SLC9C1: variants seen among roughly 807,000 people sequenced by gnomAD.
SLC9C1 encodes sodium/hydrogen exchanger 10.
In SLC9C1, 97 loss-of-function variants were observed where a neutral mutation model predicts 140.9. The ratio of observed to expected loss-of-function variants is 0.69; its 90% CI spans 0.58 to 0.82. The LOEUF is 0.82. Ranked by LOEUF, SLC9C1 falls within the 40% of genes least tolerant of loss-of-function variation. The pLI, the probability that SLC9C1 is intolerant of heterozygous loss-of-function variation, is 0.00. For missense variants in SLC9C1, 1,340 were observed against 1,389.3 expected (o/e 0.96, Z 0.56); for synonymous variants, 440 against 442.6 (o/e 0.99, Z 0.07).
At position 112,178,281 on chromosome 3, in the gene SLC9C1, G is replaced by A. The variant is rs544082696; in HGVS notation, c.2919+1250C>T. The stretch of plus-strand genomic sequence containing the variant: ...AGCCTCCCAAGTAGCTGGATCTACA[G>A]GCATGTGTCACCATGCCTGGCTAAT... On this transcript the variant is annotated intron_variant, in intron 23 of 28. Transcript: ENST00000305815. 3.3e-5 allele frequency among the ~76,000 whole-genome samples: 5 copies of A among 152,046 alleles called. No individual in the cohort carries two copies. The South Asian group carries it at 8.3e-4, about 25-fold the overall frequency.
chr3:112,289,713 G>A (rs2080622152), intron 1 of SLC9C1, among the ~76,000 whole-genome samples: 1 of 152,140 alleles, frequency 6.6e-6, no homozygotes, highest in African/African-American at 2.4e-5. Flanking sequence ...GGATTTGGGG[G>A]TTGTTTTGGG....
intron 13 of SLC9C1, among the ~76,000 whole-genome samples, 187 bp downstream of exon 13, chr3:112,231,174 T>C (rs2895393): frequency 0.012 from 1,804 of 150,362 alleles, 16 homozygotes; most frequent in Non-Finnish European, 0.02. Context: ...CTTTCTTTCT[T>C]TTTCTTTCTT....
At chr3:112,222,990 A>G (rs2078583414) in intron 13 of SLC9C1, among the ~76,000 whole-genome samples, 1 of 152,160 alleles carries the variant, frequency 6.6e-6, no homozygotes, top group Admixed American at 6.6e-5. Flanking sequence ...GACAAGAGAC[A>G]CTAGCCAAAC....
At chr3:112,251,143 G>C (rs2079445198) in intron 10 of SLC9C1, among the ~76,000 whole-genome samples, 1 of 152,040 alleles carries the variant, frequency 6.6e-6, no homozygotes, top group African/African-American at 2.4e-5. Flanking sequence ...GAAATAGAAG[G>C]GGTGAGTAAA....
rs1236757135 is a variant in SLC9C1 at position 112,168,897 on chromosome 3, T to G, written c.3217A>C (p.Ile1073Leu). 1 of 1,595,208 alleles carries G rather than the reference T, an allele frequency of 6.3e-7. No homozygotes were observed. Among genetic ancestry groups the G allele is most frequent in the Non-Finnish European group, 8.5e-7 (1 of 1,173,772 alleles). ...TTTACCTGATGGCATGTTATAGGAA[T>G]TAAGAAAGGTGCTCTATAAGTTTTT... is the stretch of plus-strand genomic sequence containing the variant. The part of the protein sequence containing the change: ...LRKTYRAPFL[I>L]PITCHQIQSI... Residue 1073 changes from isoleucine to leucine, a missense_variant, in exon 25 of 29, where the codon ATT becomes CTT. Coordinates refer to ENST00000305815, the MANE Select transcript of SLC9C1 (RefSeq NM_183061.3).
intron 28 of SLC9C1, among the ~76,000 whole-genome samples, chr3:112,150,805 TATATAAATACATATAC>T (rs1181558986): frequency 4.1e-5 from 2 of 48,802 alleles, no homozygotes; most frequent in Non-Finnish European, 7.8e-5. Flanking sequence ...TATATATATA[TATATAAATACATATAC>T]ATATATATAT....
intron 26 of SLC9C1, among the ~76,000 whole-genome samples, chr3:112,161,626 CTA>C (rs2075302372): frequency 6.6e-6 from 1 of 151,926 alleles, no homozygotes; most frequent in Admixed American, 6.6e-5. Flanking sequence ...TTCCATTGAT[CTA>C]TATCTCTGTT....
intron 28 of SLC9C1, among the ~76,000 whole-genome samples, chr3:112,149,180 T>C (rs759956704): frequency 4.6e-5 from 7 of 152,012 alleles, no homozygotes; most frequent in Non-Finnish European, 8.8e-5. Flanking sequence ...AGCAGTTGGG[T>C]CAGGCTGCTG....
chr3:112,230,927 C>T (rs73853368), intron 13 of SLC9C1, among the ~76,000 whole-genome samples: 2,474 of 152,262 alleles, frequency 0.016, 65 homozygotes, highest in African/African-American at 0.055. Context: ...TTGGCTGTAT[C>T]ATTACATGAA....
At chr3:112,169,098 T>C (rs1363717017) in intron 24 of SLC9C1, 36 bp from the exon 25 acceptor site, 1 of 1,572,702 alleles carries the variant, frequency 6.4e-7, no homozygotes, top group Non-Finnish European at 8.6e-7. Flanking sequence ...CTATTATTAG[T>C]CTATGAAGTT....
In SLC9C1 at chr3:112,194,716, C is replaced by A. The variant is rs1272760450; in HGVS notation, c.2523+4605G>T. On this transcript the variant is annotated intron_variant, in intron 20 of 28. Coordinates refer to ENST00000305815, the MANE Select transcript of SLC9C1 (RefSeq NM_183061.3). ...TTTTGAGAAAGTGCCATACTGTTTC[C>A]CACAGAGGTTATATCATTTTACTTT... Among the ~76,000 whole-genome samples the A allele has an allele frequency of 2.0e-5, 3 of 152,006 alleles. No individual in the cohort carries two copies. The East Asian group carries it at 5.8e-4, about 29-fold the overall frequency.
In SLC9C1 at chr3:112,271,464, AC is replaced by A. The variant is rs201691284; in HGVS notation, c.614-1388del. On this transcript the variant is annotated intron_variant, in intron 6 of 28. Coordinates refer to ENST00000305815, the MANE Select transcript of SLC9C1 (RefSeq NM_183061.3). The stretch of plus-strand genomic sequence containing the variant: ...TATACATTATGATTTGTCCATTAAA[AC>A]TAATATTAATAAAAATAGCTCATTG... 4.0e-3 allele frequency among the ~76,000 whole-genome samples: 594 copies of A among 150,296 alleles called. 6 individuals carry two copies. Among genetic ancestry groups the A allele is most frequent in the African/African-American group, 0.013 (546 of 41,066 alleles).
At position 112,164,963 on chromosome 3, in the gene SLC9C1, A is replaced by G. The variant is rs62277474; in HGVS notation, c.3364+2258T>C. The stretch of plus-strand genomic sequence containing the variant: ...TAGTCCCATATTTCTTGGAGGCTTT[A>G]TTCATTTCTTTTTATTCTTTTTTCT... On this transcript the variant is annotated intron_variant, in intron 26 of 28. Transcript: ENST00000305815. Among the ~76,000 whole-genome samples, 928 of 142,250 alleles carry G rather than the reference A, an allele frequency of 6.5e-3. 8 individuals carry two copies. Among genetic ancestry groups the G allele is most frequent in the African/African-American group, 0.023 (872 of 38,108 alleles). The allele number at this position is 142,250 out of a possible 152,430, so 93.3% of individuals were successfully genotyped here.
intron 16 of SLC9C1, 54 bp from the exon 17 acceptor site, chr3:112,204,457 C>T (rs2077990261): frequency 3.4e-6 from 5 of 1,491,676 alleles, no homozygotes; most frequent in South Asian, 1.4e-5. Flanking sequence ...TTTTACTACA[C>T]CATTTTCCAC....
chr3:112,197,983 A>G (rs2077809927), intron 20 of SLC9C1, among the ~76,000 whole-genome samples: 1 of 152,036 alleles, frequency 6.6e-6, no homozygotes, highest in Non-Finnish European at 1.5e-5. Context: ...AACCCTGCCT[A>G]TTTATTTACA....
intron 13 of SLC9C1, among the ~76,000 whole-genome samples, chr3:112,229,361 G>A (rs1354904600): frequency 6.6e-6 from 1 of 151,938 alleles, no homozygotes; most frequent in Non-Finnish European, 1.5e-5. Context: ...AACAATAAAG[G>A]TTTGAAGTGA....
chr3:112,282,814 T>G (rs980117593), intron 2 of SLC9C1, among the ~76,000 whole-genome samples: 1 of 152,264 alleles, frequency 6.6e-6, no homozygotes, highest in Non-Finnish European at 1.5e-5. Flanking sequence ...TATCTTTTAA[T>G]TCCATTTTTC....
intron 12 of SLC9C1, among the ~76,000 whole-genome samples, chr3:112,236,348 G>A (rs778107448): frequency 2.7e-4 from 41 of 151,866 alleles, no homozygotes; most frequent in Non-Finnish European, 4.9e-4. Context: ...CATCTATTTG[G>A]TTCTTCTCTC....
intron 12 of SLC9C1, among the ~76,000 whole-genome samples, chr3:112,233,073 T>TATATATATA (rs60790024): frequency 6.0e-4 from 82 of 136,340 alleles, no homozygotes; most frequent in East Asian, 2.5e-3. Flanking sequence ...ATATATTATA[T>TATATATATA]TTTTTTTTTT....
Sources: allele counts gnomAD v4.1 joint callset (sites outside exome capture counted in the v4.1 genomes callset), GRCh38; gene constraint gnomAD v4.1.1; transcripts MANE v1.5; gene names NCBI Gene and HGNC (gene_info 2026-07-23, HGNC 2026-07-21).